The following CSMD1 variants were observed in gnomAD, a reference collection of about 807,000 sequenced individuals.
CSMD1 encodes the protein CUB and Sushi multiple domains 1.
CSMD1 carries 213 observed loss-of-function variants against 417.5 expected under a neutral mutation model. The observed-to-expected ratio is 0.51, with a 90% CI of 0.46 to 0.57. CSMD1 has a LOEUF of 0.57. Ranked by LOEUF, CSMD1 falls within the 20% of genes least tolerant of loss-of-function variation. CSMD1 has a pLI of 0.00. For missense variants in CSMD1, 6,923 were observed against 4,529.7 expected (o/e 1.53, Z -15.17); for synonymous variants, 2,862 against 1,736.8 (o/e 1.65, Z -16.11).
intron 1 of CSMD1, among the ~76,000 whole-genome samples, chr8:4,911,632 T>C (rs1021185425): frequency 2.0e-5 from 3 of 152,186 alleles, no homozygotes; most frequent in African/African-American, 7.2e-5. Context: ...TGAGGAAATG[T>C]TCATATAATT....
intron 1 of CSMD1, among the ~76,000 whole-genome samples, chr8:4,795,655 T>C (rs780321030): frequency 6.6e-6 from 1 of 152,202 alleles, no homozygotes; most frequent in Middle Eastern, 3.4e-3. Context: ...CTAGGATAAA[T>C]GAGTACAATA....
At chr8:3,151,605 G>A in intron 39 of CSMD1, 92 bp from the exon 40 acceptor site, 1 of 771,068 alleles carries the variant, frequency 1.3e-6, no homozygotes, top group Non-Finnish European at 2.2e-6. Flanking sequence ...TGCTGAGAAA[G>A]AGCAAGTCTT....
Position 3,813,057 on chromosome 8 carries a change from G to C in CSMD1, c.819-59015C>G, listed in dbSNP as rs57314253. On this transcript the variant is annotated intron_variant, in intron 5 of 69. Transcript: ENST00000635120. ...ATTTAAAAATTGAGTGTTGTATAAA[G>C]GCTGGTATACCAAGAAAATTCTATT... 9.0e-3 allele frequency among the ~76,000 whole-genome samples: 1,357 copies of C among 150,926 alleles called. 21 individuals carry two copies. The highest frequency in any genetic ancestry group is 0.031 in the African/African-American group (1,291 of 41,086).
intron 2 of CSMD1, among the ~76,000 whole-genome samples, chr8:4,541,716 CAG>C (rs1487258940): frequency 6.6e-6 from 1 of 151,936 alleles, no homozygotes; most frequent in Admixed American, 6.6e-5. Flanking sequence ...GCCTGGGTGA[CAG>C]AGTGAGACCC....
intron 26 of CSMD1, among the ~76,000 whole-genome samples, chr8:3,258,415 A>G (rs983974767): frequency 5.9e-5 from 9 of 152,198 alleles, no homozygotes; most frequent in African/African-American, 9.7e-5. Context: ...ACCAGTTACA[A>G]TGGCTATTAC....
intron 5 of CSMD1, among the ~76,000 whole-genome samples, chr8:3,842,210 G>A (rs369095455): frequency 1.3e-5 from 2 of 152,058 alleles, no homozygotes; most frequent in Non-Finnish European, 2.9e-5. Flanking sequence ...CATTTTCCAA[G>A]CCTCTTGTAG....
chr8:3,911,371 A>G (rs1808452250), intron 5 of CSMD1, among the ~76,000 whole-genome samples: 3 of 151,814 alleles, frequency 2.0e-5, no homozygotes, highest in South Asian at 2.1e-4. Flanking sequence ...TACTAAAAAT[A>G]CAAAAAATTA....
intron 3 of CSMD1, among the ~76,000 whole-genome samples, chr8:4,110,719 C>G (rs4875279): frequency 0.37 from 55,491 of 151,680 alleles, 10,372 homozygotes; most frequent in Admixed American, 0.4. Context: ...TTTTTTTCCC[C>G]TTTCTCATGC....
chr8:3,985,753 G>C lies in CSMD1; in HGVS notation c.818+12150C>G, dbSNP rs1370115766. Among the ~76,000 whole-genome samples the C allele has an allele frequency of 1.2e-4, 10 of 86,902 alleles. No homozygotes were observed. In the Admixed American group the frequency reaches 1.3e-3, roughly 11 times the overall value. 57.0% of individuals were successfully genotyped at this position (86,902 alleles called of 152,430 possible). A position where few individuals can be genotyped will look rare whatever the true frequency, so the allele number is the denominator to read the frequency against. ...AAAAGGCTGCCTTTAAAATGTTAAA[G>C]TGATTTTTTTTTTTTTTTTTGAGAT... is the stretch of plus-strand genomic sequence containing the variant. On this transcript the variant is annotated intron_variant, in intron 5 of 69. Coordinates refer to ENST00000635120, the MANE Select transcript of CSMD1 (RefSeq NM_033225.6).
At chr8:4,792,742 C>T (rs752148372) in intron 1 of CSMD1, among the ~76,000 whole-genome samples, 11 of 152,106 alleles carry the variant, frequency 7.2e-5, no homozygotes, top group Admixed American at 1.3e-4. Flanking sequence ...TCAATTACAC[C>T]GATGCCCATT....
intron 3 of CSMD1, among the ~76,000 whole-genome samples, chr8:4,089,380 G>A (rs984598121): frequency 1.3e-5 from 2 of 152,142 alleles, no homozygotes; most frequent in African/African-American, 2.4e-5. Context: ...ATTTTCAGAG[G>A]TTCTCTGAGA....
At chr8:4,787,020 G>A (rs1797435107) in intron 1 of CSMD1, among the ~76,000 whole-genome samples, 2 of 152,200 alleles carry the variant, frequency 1.3e-5, no homozygotes, top group South Asian at 4.1e-4. Context: ...CAATGTGGAA[G>A]GAAGCAGATA....
At chr8:3,830,603 C>G (rs376050063) in intron 5 of CSMD1, among the ~76,000 whole-genome samples, 2 of 152,166 alleles carry the variant, frequency 1.3e-5, no homozygotes, top group African/African-American at 2.4e-5. Flanking sequence ...GCAAGCAACA[C>G]TGGCAGAAAA....
chr8:4,322,321 A>G (rs952831681), intron 3 of CSMD1, among the ~76,000 whole-genome samples: 22 of 145,022 alleles, frequency 1.5e-4, no homozygotes, highest in African/African-American at 5.1e-4. Flanking sequence ...TGAAGAGAGT[A>G]CTTTTTTTTG....
At chr8:3,434,194 T>C (rs551950718) in intron 12 of CSMD1, among the ~76,000 whole-genome samples, 1 of 152,342 alleles carries the variant, frequency 6.6e-6, no homozygotes, top group East Asian at 1.9e-4. Context: ...CTTAGAACAT[T>C]TCCCATTTAT....
At chr8:4,900,470 C>T (rs1289618021) in intron 1 of CSMD1, among the ~76,000 whole-genome samples, 2 of 152,284 alleles carry the variant, frequency 1.3e-5, no homozygotes, top group East Asian at 1.9e-4. Context: ...AGTCCTCCTA[C>T]CCTTCCCCTT....
chr8:3,545,214 G>C (rs1798608355), intron 10 of CSMD1, among the ~76,000 whole-genome samples: 1 of 152,230 alleles, frequency 6.6e-6, no homozygotes, highest in South Asian at 2.1e-4. Flanking sequence ...GTTTCCATGT[G>C]TCTGTCTATA....
At chr8:3,397,232 A>T (rs888461965) in intron 16 of CSMD1, among the ~76,000 whole-genome samples, 4 of 152,078 alleles carry the variant, frequency 2.6e-5, no homozygotes, top group African/African-American at 4.8e-5. Context: ...TAAGACTCTG[A>T]CTCACTCAGT....
intron 1 of CSMD1, among the ~76,000 whole-genome samples, chr8:4,939,504 A>G (rs1380839524): frequency 1.3e-5 from 2 of 152,232 alleles, no homozygotes; most frequent in Admixed American, 6.5e-5. Flanking sequence ...TGACAATATG[A>G]ATGAAACAGA....
Sources: gnomAD v4.1 joint callset for allele counts (sites outside exome capture counted in the v4.1 genomes callset) on GRCh38, gnomAD v4.1.1 for gene constraint, MANE v1.5 for transcripts, NCBI Gene and HGNC (gene_info 2026-07-23, HGNC 2026-07-21) for gene names.